The following CACNA1C variants were observed in gnomAD, a reference collection of about 807,000 sequenced individuals.
CACNA1C encodes the protein voltage-dependent L-type calcium channel subunit alpha-1C.
In CACNA1C, 30 loss-of-function variants were observed where a neutral mutation model predicts 229.0. That is an observed-to-expected ratio of 0.13 (90% confidence interval 0.10 to 0.18). The LOEUF (loss-of-function observed/expected upper bound fraction) is 0.18, where lower values mean the gene tolerates loss of function less well. Ranked by LOEUF, CACNA1C falls within the 10% of genes least tolerant of loss-of-function variation. The probability of loss-of-function intolerance (pLI) is 1.00; values close to 1 mark genes in which losing one functional copy is unlikely to be tolerated. For synonymous variants in CACNA1C, 1,114 were observed against 1,132.5 expected, an observed-to-expected ratio of 0.98 and a Z score of 0.33; for missense variants, 1,658 against 2,845.0, an observed-to-expected ratio of 0.58 and a Z score of 9.49.
At chr12:2,460,082 A>C (rs902584724) in intron 5 of CACNA1C, among the ~76,000 whole-genome samples, 7 of 152,092 alleles carry the variant, frequency 4.6e-5, no homozygotes, top group African/African-American at 1.7e-4. Flanking sequence ...ACTCAGCTGG[A>C]CTCTGGGCTT....
intron 13 of CACNA1C, among the ~76,000 whole-genome samples, chr12:2,573,804 T>C (rs1012428326): frequency 6.6e-6 from 1 of 152,218 alleles, no homozygotes; most frequent in African/African-American, 2.4e-5. Context: ...TGTAACATAA[T>C]AGCATCACTC....
At chr12:2,594,445 T>G (rs1224213245) in intron 19 of CACNA1C, among the ~76,000 whole-genome samples, 1 of 152,232 alleles carries the variant, frequency 6.6e-6, no homozygotes, top group African/African-American at 2.4e-5. Flanking sequence ...GTTTCTTAAT[T>G]CTATTTTCAA....
intron 3 of CACNA1C, among the ~76,000 whole-genome samples, chr12:2,203,484 C>A (rs938527142): frequency 6.6e-6 from 1 of 152,196 alleles, no homozygotes; most frequent in Non-Finnish European, 1.5e-5. Flanking sequence ...AACCAGAAGT[C>A]CCGCACCAGC....
At chr12:2,637,365 G>A (rs757513829) in intron 30 of CACNA1C, among the ~76,000 whole-genome samples, 3 of 152,200 alleles carry the variant, frequency 2.0e-5, no homozygotes, top group Non-Finnish European at 4.4e-5. Flanking sequence ...CACTCGGAGG[G>A]CCTAGTCTCC....
chr12:2,611,576 G>A (rs138258547), intron 28 of CACNA1C, among the ~76,000 whole-genome samples: 31 of 152,214 alleles, frequency 2.0e-4, no homozygotes, highest in Non-Finnish European at 3.4e-4. Context: ...AAGGTGTGGC[G>A]TGTGGAGGGA....
chr12:2,593,229 G>A lies in CACNA1C; in HGVS notation c.2547G>A (p.Glu849=), dbSNP rs759093479. 7.4e-6 allele frequency: 12 copies of A among 1,613,588 alleles called. No homozygotes were observed. The highest frequency in any genetic ancestry group is 1.6e-4 in the Middle Eastern group (1 of 6,082). ...NPETTGEEDE[E]EPEMPVGPRP... is the part of the protein sequence containing the mutation. The stretch of plus-strand genomic sequence containing the variant: ...TTCTTACAGGAGAAGAGGATGAGGA[G>A]GAGCCAGAGATGCCTGTCGGCCCTC... The change falls in exon 19 of 47, where the codon GAG becomes GAA. Residue 849 remains glutamate (E), a synonymous_variant. Coordinates refer to ENST00000399655, the MANE Select transcript of CACNA1C (RefSeq NM_000719.7).
chr12:1,981,872 A>AAAAAGAATATTT (rs2036238964), intron 1 of CACNA1C, among the ~76,000 whole-genome samples: 1 of 152,174 alleles, frequency 6.6e-6, no homozygotes, highest in Non-Finnish European at 1.5e-5. Flanking sequence ...TTTAAGGAGA[A>AAAAAGAATATTT]AAAAGAATAT....
intron 1 of CACNA1C, chr12:1,993,340 T>A (rs1307649717): frequency 6.2e-7 from 1 of 1,614,146 alleles, no homozygotes; most frequent in Non-Finnish European, 8.5e-7. Context: ...CTGTCCTATT[T>A]TCCATGCTCA....
chr12:1,986,011 C>T (rs1428853455), intron 1 of CACNA1C, among the ~76,000 whole-genome samples: 1 of 152,110 alleles, frequency 6.6e-6, no homozygotes, highest in East Asian at 1.9e-4. Flanking sequence ...GATGGAGTTT[C>T]ACCGTGTTAG....
At chr12:2,662,103 G>T (rs777818884) in intron 34 of CACNA1C, among the ~76,000 whole-genome samples, 2 of 151,960 alleles carry the variant, frequency 1.3e-5, no homozygotes, top group Non-Finnish European at 2.9e-5. Context: ...TTAGCCGGGC[G>T]TGGTAGCAGG....
intron 3 of CACNA1C, among the ~76,000 whole-genome samples, chr12:2,270,996 C>G (rs770351589): frequency 6.6e-6 from 1 of 152,148 alleles, no homozygotes; most frequent in South Asian, 2.1e-4. Context: ...TGCTTGCTCT[C>G]TAGGACAACG....
At chr12:2,136,077 C>T (rs958450464) in intron 3 of CACNA1C, among the ~76,000 whole-genome samples, 15 of 151,170 alleles carry the variant, frequency 9.9e-5, no homozygotes, top group Admixed American at 3.3e-4. Context: ...TTTCCAGGTG[C>T]GTCCGTCACC....
At chr12:2,082,168 T>C (rs1031739135) in intron 1 of CACNA1C, among the ~76,000 whole-genome samples, 1 of 152,194 alleles carries the variant, frequency 6.6e-6, no homozygotes, top group Non-Finnish European at 1.5e-5. Context: ...TCGTGTCACA[T>C]GTTAGAGAAG....
rs2076390470 is a variant in CACNA1C, at chr12:2,608,821, G to T, written c.3558+109G>T. The T allele has an allele frequency of 5.6e-6, 6 of 1,070,258 alleles. No individual in the cohort carries two copies. Among genetic ancestry groups the T allele is most frequent in the Non-Finnish European group, 8.2e-6 (6 of 728,654 alleles). 66.3% of individuals were successfully genotyped at this position (1,070,258 alleles called of 1,614,324 possible). A position where few individuals can be genotyped will look rare whatever the true frequency, so the allele number is the denominator to read the frequency against. On this transcript the variant is annotated intron_variant, in intron 27 of 46. Transcript: ENST00000399655. This position sits in a 1 kb window ranked among gnomAD's most constrained non-coding sequence, Gnocchi z 4.2. ...CAGGGAGAGGCCGTGCAGATACTGA[G>T]ATCGTCTCTCTATTCCTCAACCAGA...
At chr12:2,269,700 T>A (rs1383493769) in intron 3 of CACNA1C, 1 of 152,198 alleles carries the variant, frequency 6.6e-6, no homozygotes, top group Non-Finnish European at 1.5e-5. Flanking sequence ...TCTACACAGA[T>A]GGTTCAACGG....
At chr12:2,686,092 A>G (rs780274099) in intron 44 of CACNA1C, 74 bp from the exon 45 acceptor site, 18 of 1,216,310 alleles carry the variant, frequency 1.5e-5, no homozygotes, top group Non-Finnish European at 2.0e-5. Flanking sequence ...CTGGCACCCC[A>G]CCAGGGTGTA....
At chr12:2,399,676 G>A (rs143082358) in intron 3 of CACNA1C, among the ~76,000 whole-genome samples, 23 of 152,326 alleles carry the variant, frequency 1.5e-4, no homozygotes, top group Middle Eastern at 3.4e-3. Context: ...GGAGCATGGT[G>A]AGCCAAAAGG....
chr12:2,254,544 T>A (rs750999296), intron 3 of CACNA1C, among the ~76,000 whole-genome samples: 1 of 152,196 alleles, frequency 6.6e-6, no homozygotes, highest in Non-Finnish European at 1.5e-5. Context: ...TGCGGCAAAC[T>A]GGCACAGGGG....
chr12:2,056,852 A>G (rs183539478), intron 1 of CACNA1C, among the ~76,000 whole-genome samples: 3 of 152,310 alleles, frequency 2.0e-5, no homozygotes, highest in East Asian at 1.9e-4. Flanking sequence ...CATTATTTCC[A>G]TAGAATACAC....
Sources: allele counts gnomAD v4.1 joint callset (sites outside exome capture counted in the v4.1 genomes callset), GRCh38; gene constraint gnomAD v4.1.1; non-coding constraint Gnocchi (gnomAD v3.1); transcripts MANE v1.5; gene names NCBI Gene and HGNC (gene_info 2026-07-23, HGNC 2026-07-21).